CNTNAP2: variants seen among roughly 807,000 people sequenced by gnomAD.
The protein encoded by CNTNAP2 is contactin associated protein 2.
A neutral mutation model predicts 155.2 loss-of-function variants in CNTNAP2; 98 were observed. The ratio of observed to expected loss-of-function variants is 0.63; its 90% CI spans 0.54 to 0.75. The LOEUF (loss-of-function observed/expected upper bound fraction) is 0.75. Ranked by LOEUF, CNTNAP2 falls within the 30% of genes least tolerant of loss-of-function variation. The pLI, the probability that CNTNAP2 is intolerant of heterozygous loss-of-function variation, is 0.00. For missense variants in CNTNAP2, 1,727 were observed against 1,688.1 expected (o/e 1.02, Z -0.40); for synonymous variants, 651 against 631.2 (o/e 1.03, Z -0.47).
intron 9 of CNTNAP2, among the ~76,000 whole-genome samples, chr7:147,320,567 T>C (rs1795331918): frequency 6.6e-6 from 1 of 152,222 alleles, no homozygotes; most frequent in African/African-American, 2.4e-5. Flanking sequence ...CCATCTCTGA[T>C]GATGTACAGA....
intron 16 of CNTNAP2, among the ~76,000 whole-genome samples, chr7:148,144,394 A>G (rs1363954340): frequency 6.6e-6 from 1 of 152,216 alleles, no homozygotes; most frequent in Admixed American, 6.5e-5. Flanking sequence ...TGCAGCATCC[A>G]CCTGGGATGC....
At chr7:146,315,622 C>T (rs1270660205) in intron 1 of CNTNAP2, among the ~76,000 whole-genome samples, 1 of 152,068 alleles carries the variant, frequency 6.6e-6, no homozygotes, top group Non-Finnish European at 1.5e-5. Flanking sequence ...CTCTCTGCCA[C>T]CTTGCTGACT....
intron 1 of CNTNAP2, among the ~76,000 whole-genome samples, chr7:146,238,784 T>C (rs868789472): frequency 6.6e-6 from 1 of 152,112 alleles, no homozygotes; most frequent in Non-Finnish European, 1.5e-5. Context: ...CTTGCAATCA[T>C]GGCGGAAGGC....
chr7:147,891,811 C>T (rs1055242126), intron 13 of CNTNAP2, among the ~76,000 whole-genome samples: 1 of 152,040 alleles, frequency 6.6e-6, no homozygotes, highest in Non-Finnish European at 1.5e-5. Flanking sequence ...CCCCCCCTAC[C>T]ATTCTTTGAG....
At chr7:147,743,117 G>A (rs990223707) in intron 13 of CNTNAP2, among the ~76,000 whole-genome samples, 8 of 152,152 alleles carry the variant, frequency 5.3e-5, no homozygotes, top group African/African-American at 1.9e-4. Context: ...CATACACTAA[G>A]GTCAAAGCCA....
chr7:148,266,965 A>C (rs1796682198), intron 20 of CNTNAP2, 68 bp from the exon 21 acceptor site: 1 of 1,404,042 alleles, frequency 7.1e-7, no homozygotes, highest in East Asian at 2.3e-5. Flanking sequence ...TCATCCCCAC[A>C]GGGAAGATTT....
rs1046602022 is a variant in CNTNAP2, at chr7:146,688,227, T to G, written c.98-86044T>G. On this transcript the variant is annotated intron_variant, in intron 1 of 23. Transcript: ENST00000361727. The stretch of plus-strand genomic sequence containing the variant: ...TGTTAATTTCTGTACTATTTAATAG[T>G]ATTAATCAGAGTGAACTCATCTGAT... Among the ~76,000 whole-genome samples the G allele has an allele frequency of 1.3e-5, 2 of 152,164 alleles. 1 individual carries two copies. Among genetic ancestry groups the G allele is most frequent in the South Asian group, 4.1e-4 (2 of 4,830 alleles).
At chr7:147,581,910 A>G (rs1800509099) in intron 12 of CNTNAP2, among the ~76,000 whole-genome samples, 1 of 152,156 alleles carries the variant, frequency 6.6e-6, no homozygotes, top group Non-Finnish European at 1.5e-5. Context: ...ATTTATACAT[A>G]TAAATAATTT....
At chr7:148,209,804 C>A (rs1427678946) in intron 18 of CNTNAP2, among the ~76,000 whole-genome samples, 1 of 152,178 alleles carries the variant, frequency 6.6e-6, no homozygotes, top group Non-Finnish European at 1.5e-5. Flanking sequence ...AACCAAAATC[C>A]TCAGAATACC....
At chr7:147,794,818 G>A (rs1448459284) in intron 13 of CNTNAP2, among the ~76,000 whole-genome samples, 1 of 151,462 alleles carries the variant, frequency 6.6e-6, no homozygotes, top group African/African-American at 2.4e-5. Context: ...GTCAGTTTTG[G>A]TAGTTTGTAT....
chr7:147,881,838 G>A (rs1221443293), intron 13 of CNTNAP2, among the ~76,000 whole-genome samples: 2 of 152,018 alleles, frequency 1.3e-5, no homozygotes. Context: ...CAGGCCTGGT[G>A]ATGGGTGCCT....
At chr7:147,041,534 A>G (rs1410588807) in intron 3 of CNTNAP2, among the ~76,000 whole-genome samples, 3 of 151,892 alleles carry the variant, frequency 2.0e-5, no homozygotes, top group Admixed American at 6.6e-5. Context: ...TTCAAACACC[A>G]CTCTGTCCTT....
intron 2 of CNTNAP2, among the ~76,000 whole-genome samples, chr7:146,806,683 A>G (rs1014859095): frequency 6.6e-6 from 1 of 152,178 alleles, no homozygotes; most frequent in African/African-American, 2.4e-5. Flanking sequence ...TATCTAATCT[A>G]TAGAGAGTTG....
chr7:146,168,738 A>T (rs1400123904), intron 1 of CNTNAP2, among the ~76,000 whole-genome samples: 1 of 152,152 alleles, frequency 6.6e-6, no homozygotes, highest in African/African-American at 2.4e-5. Context: ...TATTGCAATG[A>T]CCTACCCAAT....
At chr7:147,769,251 G>T (rs1374328801) in intron 13 of CNTNAP2, among the ~76,000 whole-genome samples, 1 of 152,058 alleles carries the variant, frequency 6.6e-6, no homozygotes, top group Non-Finnish European at 1.5e-5. Flanking sequence ...CATTTTTCAA[G>T]TATACTTTCC....
At chr7:147,873,878 A>G (rs1376465410) in intron 13 of CNTNAP2, among the ~76,000 whole-genome samples, 4 of 152,230 alleles carry the variant, frequency 2.6e-5, no homozygotes, top group Non-Finnish European at 4.4e-5. Flanking sequence ...CACCCATTCC[A>G]AATGGGAGAA....
chr7:146,915,803 A>C (rs1327166157), intron 3 of CNTNAP2: 1 of 152,002 alleles, frequency 6.6e-6, no homozygotes, highest in African/African-American at 2.4e-5. Context: ...ATTTAGATAC[A>C]CTTTATTTCT....
At chr7:147,537,317 T>C (rs1360507967) in intron 11 of CNTNAP2, among the ~76,000 whole-genome samples, 3 of 152,212 alleles carry the variant, frequency 2.0e-5, no homozygotes, top group Non-Finnish European at 2.9e-5. Context: ...ATCATAAAGC[T>C]ATGAATAAAT....
At chr7:146,606,313 A>T (rs1433249588) in intron 1 of CNTNAP2, among the ~76,000 whole-genome samples, 2 of 152,220 alleles carry the variant, frequency 1.3e-5, no homozygotes, top group African/African-American at 4.8e-5. Flanking sequence ...TACATGGAAT[A>T]TAATACAAGT....
Sources: gnomAD v4.1 joint callset for allele counts (sites outside exome capture counted in the v4.1 genomes callset) on GRCh38, gnomAD v4.1.1 for gene constraint, MANE v1.5 for transcripts, NCBI Gene and HGNC (gene_info 2026-07-23, HGNC 2026-07-21) for gene names.